FNDC3A: variants seen among roughly 807,000 people sequenced by gnomAD.
FNDC3A encodes the protein fibronectin type-III domain-containing protein 3A.
A neutral mutation model predicts 148.9 loss-of-function variants in FNDC3A; 32 were observed. That is an observed-to-expected ratio of 0.21 (90% confidence interval 0.16 to 0.29). The LOEUF (loss-of-function observed/expected upper bound fraction) is 0.29, where lower values mean the gene tolerates loss of function less well. Among genes scored for constraint, FNDC3A ranks in the 10% least tolerant of loss-of-function variants. FNDC3A has a pLI of 1.00. For missense variants in FNDC3A, 1,191 were observed against 1,452.8 expected (o/e 0.82, Z 2.93); for synonymous variants, 472 against 473.6 (o/e 1.00, Z 0.04).
chr13:49,093,530 G>A (rs1458833067), intron 3 of FNDC3A, among the ~76,000 whole-genome samples: 2 of 152,034 alleles, frequency 1.3e-5, no homozygotes, highest in East Asian at 3.9e-4. Flanking sequence ...TTTTATATAC[G>A]AAGAAATTGA....
intron 2 of FNDC3A, among the ~76,000 whole-genome samples, chr13:49,007,983 T>A (rs1952254954): frequency 6.6e-6 from 1 of 152,150 alleles, no homozygotes; most frequent in Admixed American, 6.5e-5. Context: ...CGAAGACAAG[T>A]TATTTAACTT....
At chr13:49,023,652 C>CCTGTGCCCCAGAAT (rs1256096984) in intron 2 of FNDC3A, among the ~76,000 whole-genome samples, 2 of 151,874 alleles carry the variant, frequency 1.3e-5, no homozygotes, top group African/African-American at 4.8e-5. Flanking sequence ...TTAGTCAACT[C>CCTGTGCCCCAGAAT]CTGTGCCCCA....
intron 3 of FNDC3A, among the ~76,000 whole-genome samples, chr13:49,080,153 A>C (rs1309285791): frequency 6.6e-6 from 1 of 152,240 alleles, no homozygotes; most frequent in Non-Finnish European, 1.5e-5. Flanking sequence ...AATTAAAAAT[A>C]TCTACATTGT....
intron 1 of FNDC3A, among the ~76,000 whole-genome samples, chr13:48,977,463 G>A (rs2137537906): frequency 6.6e-6 from 1 of 152,266 alleles, no homozygotes; most frequent in South Asian, 2.1e-4. Flanking sequence ...TCTTATGTTT[G>A]GATAAATATT....
At chr13:49,096,551 A>C (rs987594640) in intron 3 of FNDC3A, among the ~76,000 whole-genome samples, 1 of 152,106 alleles carries the variant, frequency 6.6e-6, no homozygotes, top group Non-Finnish European at 1.5e-5. Context: ...AATGTGCTGA[A>C]GTTTCTCACT....
rs143444898 is a variant in FNDC3A at position 49,203,119 on chromosome 13, C to T, written c.3155-38C>T. ...CTGCATGATGTACCAAATTAAAAAT[C>T]AAGTGGAACAGATATTATTTATATT... On this transcript the variant is annotated intron_variant, in intron 24 of 25. Coordinates refer to ENST00000492622, the MANE Select transcript of FNDC3A (RefSeq NM_001079673.2). 50 of 1,395,848 alleles carry T rather than the reference C, an allele frequency of 3.6e-5. No homozygotes were observed. In the African/African-American group the frequency reaches 6.5e-4, roughly 18 times the overall value. The allele number at this position is 1,395,848 out of a possible 1,614,324, so 86.5% of individuals were successfully genotyped here. A position where few individuals can be genotyped will look rare whatever the true frequency, so the allele number is the denominator to read the frequency against.
intron 2 of FNDC3A, among the ~76,000 whole-genome samples, chr13:49,050,276 T>C (rs1875742051): frequency 2.0e-5 from 3 of 152,360 alleles, no homozygotes; most frequent in Admixed American, 6.5e-5. Context: ...TGTAGATATT[T>C]AATATGATGA....
At chr13:49,119,071 C>A (rs930268293) in intron 4 of FNDC3A, among the ~76,000 whole-genome samples, 1 of 152,226 alleles carries the variant, frequency 6.6e-6, no homozygotes, top group South Asian at 2.1e-4. Flanking sequence ...GAGACACCTT[C>A]CAGCAGGGTC....
chr13:49,036,534 A>T (rs909473492), intron 2 of FNDC3A, among the ~76,000 whole-genome samples: 1 of 152,224 alleles, frequency 6.6e-6, no homozygotes, highest in African/African-American at 2.4e-5. Flanking sequence ...ACATTTGTTC[A>T]ACCTATGTTT....
At chr13:49,151,075 T>C (rs1388567537) in intron 8 of FNDC3A, among the ~76,000 whole-genome samples, 1 of 152,182 alleles carries the variant, frequency 6.6e-6, no homozygotes, top group East Asian at 1.9e-4. Flanking sequence ...TGAAATGTAT[T>C]CACAAAGGTC....
intron 4 of FNDC3A, among the ~76,000 whole-genome samples, chr13:49,127,206 G>A (rs1236317401): frequency 6.6e-6 from 1 of 152,108 alleles, no homozygotes; most frequent in Non-Finnish European, 1.5e-5. Context: ...TCTCTTCTGT[G>A]TTATCAATTT....
rs200488768 is a variant in FNDC3A at position 49,207,294 on chromosome 13, C to T, written c.3496C>T (p.Arg1166Trp). 16 of 1,613,968 alleles carry T rather than the reference C, an allele frequency of 9.9e-6. 1 individual carries two copies. Among genetic ancestry groups the T allele is most frequent in the Admixed American group, 5.0e-5 (3 of 60,002 alleles). The change falls in exon 26 of 26, where the codon CGG becomes TGG. Residue 1166 changes from arginine (R) to tryptophan (W), a missense_variant. Arg to Trp is a moderately radical substitution (Grantham distance 101). Around this residue, in one of 3 missense-constraint regions of FNDC3A, gnomAD observed 751 missense variants for 944.0 expected, o/e 0.80. Coordinates refer to ENST00000492622, the MANE Select transcript of FNDC3A (RefSeq NM_001079673.2). ...CACTGTGGAAAGCACAAGGACCCGA[C>T]GGGCACTGAGTGACGAGCAGTGTGC... ...RDTVESTRTR[R>W]ALSDEQCAAV... is the part of the protein sequence containing the mutation.
intron 2 of FNDC3A, chr13:49,045,034 TCCTTTCCCTTTTCCTTTC>T (rs201708928): frequency 0.49 from 107,280 of 220,492 alleles, 30,152 homozygotes; most frequent in Admixed American, 0.59. Flanking sequence ...CCTTTCCCTT[TCCTTTCCCTTTTCCTTTC>T]CCTTTCCCTT....
At position 49,143,007 on chromosome 13, in the gene FNDC3A, A is replaced by G. The variant is rs544342278; in HGVS notation, c.820-2771A>G. ...CTCAGTCTCCTGAGTAGCTGGGATT[A>G]CAGGCATACACCACCACGTCCAGAT... On this transcript the variant is annotated intron_variant, in intron 7 of 25. Coordinates refer to ENST00000492622, the MANE Select transcript of FNDC3A (RefSeq NM_001079673.2). Among the ~76,000 whole-genome samples the G allele has an allele frequency of 2.0e-5, 3 of 152,218 alleles. No homozygotes were observed. The South Asian group carries it at 6.2e-4, about 32-fold the overall frequency.
At chr13:49,187,343 ATTT>A in intron 16 of FNDC3A, 153 bp downstream of exon 16, 3 of 668,684 alleles carry the variant, frequency 4.5e-6, no homozygotes, top group Non-Finnish European at 2.3e-6. Context: ...GTTGTCCTGG[ATTT>A]TTTTTTTTTA....
chr13:49,001,945 C>G (rs1193613861), intron 1 of FNDC3A, among the ~76,000 whole-genome samples: 1 of 152,144 alleles, frequency 6.6e-6, no homozygotes, highest in East Asian at 1.9e-4. Context: ...CGCTCCCTCC[C>G]CTTTTGAAAA....
At chr13:49,004,322 TTAAA>T (rs1320361858) in intron 1 of FNDC3A, among the ~76,000 whole-genome samples, 3 of 152,102 alleles carry the variant, frequency 2.0e-5, no homozygotes, top group African/African-American at 7.2e-5. Context: ...ATCTGCAAGC[TTAAA>T]TAAAACCAAT....
chr13:49,177,822 A>G (rs1370543475), intron 13 of FNDC3A, among the ~76,000 whole-genome samples: 2 of 152,194 alleles, frequency 1.3e-5, no homozygotes, highest in Non-Finnish European at 2.9e-5. Context: ...ATATGATTCC[A>G]TTTATATGGA....
intron 3 of FNDC3A, among the ~76,000 whole-genome samples, chr13:49,112,705 T>A (rs975627229): frequency 6.6e-6 from 1 of 152,196 alleles, no homozygotes; most frequent in African/African-American, 2.4e-5. Context: ...CTTCTACCAC[T>A]TGGGGAGCTT....
Sources: gnomAD v4.1 joint callset for allele counts (sites outside exome capture counted in the v4.1 genomes callset) on GRCh38, gnomAD v4.1.1 for gene constraint, gnomAD v4.1.1 regional missense constraint, MANE v1.5 for transcripts, NCBI Gene and HGNC (gene_info 2026-07-23, HGNC 2026-07-21) for gene names.